The following CDK6 variants were observed in gnomAD, a reference collection of about 807,000 sequenced individuals.
CDK6 encodes cyclin dependent kinase 6.
Under a neutral mutation model 37.1 loss-of-function variants are expected in CDK6, and 6 were observed. That is an observed-to-expected ratio of 0.16 (90% CI 0.09 to 0.32). CDK6 has a LOEUF of 0.32. Among genes scored for constraint, CDK6 ranks in the 10% least tolerant of loss-of-function variants. The pLI is 1.00. For missense variants in CDK6, 224 were observed against 418.9 expected, an observed-to-expected ratio of 0.53 and a Z score of 4.06; for synonymous variants, 160 against 161.3, an observed-to-expected ratio of 0.99 and a Z score of 0.06.
chr7:92,792,517 G>T (rs2115862147), intron 2 of CDK6, among the ~76,000 whole-genome samples: 1 of 151,984 alleles, frequency 6.6e-6, no homozygotes, highest in East Asian at 1.9e-4. Context: ...TATATTTTTT[G>T]AAAGTTCTTG....
intron 3 of CDK6, among the ~76,000 whole-genome samples, chr7:92,735,321 A>C (rs1390560056): frequency 1.3e-5 from 2 of 152,026 alleles, no homozygotes; most frequent in Non-Finnish European, 2.9e-5. Flanking sequence ...GTTTGTTATA[A>C]AGGTATATTT....
chr7:92,827,650 T>C (rs1239800351), intron 2 of CDK6, among the ~76,000 whole-genome samples: 2 of 152,176 alleles, frequency 1.3e-5, no homozygotes, highest in South Asian at 4.1e-4. Flanking sequence ...GTGACCTTCA[T>C]GTAAGTATGC....
chr7:92,646,450 T>G (rs540253124), intron 5 of CDK6, among the ~76,000 whole-genome samples: 18 of 150,794 alleles, frequency 1.2e-4, no homozygotes, highest in Non-Finnish European at 2.4e-4. Flanking sequence ...CAGGCCAGAG[T>G]GCAGTGGCGC....
intron 4 of CDK6, among the ~76,000 whole-genome samples, chr7:92,685,086 T>C (rs1797418561): frequency 6.6e-6 from 1 of 152,238 alleles, no homozygotes; most frequent in Non-Finnish European, 1.5e-5. Flanking sequence ...CTAAAATTCA[T>C]TTCATATCTC....
intron 3 of CDK6, among the ~76,000 whole-genome samples, chr7:92,757,010 T>C (rs143661162): frequency 6.6e-6 from 1 of 152,146 alleles, no homozygotes. Flanking sequence ...GAAGAAGTCA[T>C]GGAATTGGAA....
intron 4 of CDK6, among the ~76,000 whole-genome samples, chr7:92,700,239 G>A (rs1234652937): frequency 6.6e-6 from 1 of 152,130 alleles, no homozygotes; most frequent in East Asian, 1.9e-4. Context: ...AGAAGGGGAG[G>A]TACTAAAGGG....
Position 92,826,376 on chromosome 7 carries a change from T to C in CDK6, c.233+6715A>G, listed in dbSNP as rs534582634. Among the ~76,000 whole-genome samples, 7 of 152,222 alleles carry C rather than the reference T, an allele frequency of 4.6e-5. No homozygotes were observed. The East Asian group carries it at 7.7e-4, about 17-fold the overall frequency. ...TACCAGGACTCAAAGGAAGCAGAAATGTTATCCAAATCGAGGTATTAAGGA... is the reference window on the plus strand; with the variant it reads ...TACCAGGACTCAAAGGAAGCAGAAACGTTATCCAAATCGAGGTATTAAGGA... On this transcript the variant is annotated intron_variant, in intron 2 of 7. Transcript: ENST00000424848.
intron 7 of CDK6, among the ~76,000 whole-genome samples, chr7:92,615,618 C>T (rs1795659600): frequency 6.6e-6 from 1 of 152,204 alleles, no homozygotes; most frequent in South Asian, 2.1e-4. Context: ...TTCACCGTAA[C>T]TTATTATCCT....
chr7:92,774,913 G>A (rs2115787531), intron 2 of CDK6, 82 bp from the exon 3 acceptor site: 3 of 1,357,934 alleles, frequency 2.2e-6, no homozygotes, highest in South Asian at 1.4e-5. Flanking sequence ...CGCTCAATTT[G>A]GTCTCATAAT....
chr7:92,684,504 G>A (rs945374623), intron 4 of CDK6, among the ~76,000 whole-genome samples: 2 of 152,074 alleles, frequency 1.3e-5, no homozygotes, highest in Non-Finnish European at 2.9e-5. Flanking sequence ...TACCCACAAT[G>A]TTCTGCACAG....
intron 5 of CDK6, among the ~76,000 whole-genome samples, chr7:92,648,958 G>A (rs976547913): frequency 1.3e-5 from 2 of 151,862 alleles, no homozygotes; most frequent in African/African-American, 4.8e-5. Context: ...AAATAATAAT[G>A]GTAAAATATG....
chr7:92,767,130 G>A (rs966244150), intron 3 of CDK6, among the ~76,000 whole-genome samples: 11 of 152,010 alleles, frequency 7.2e-5, no homozygotes, highest in Admixed American at 3.3e-4. Context: ...GCTTTTTATA[G>A]GATTGGAGAT....
At chr7:92,822,570 A>C (rs1271887786) in intron 2 of CDK6, among the ~76,000 whole-genome samples, 1 of 152,118 alleles carries the variant, frequency 6.6e-6, no homozygotes, top group Non-Finnish European at 1.5e-5. Flanking sequence ...ACTGTTCTGG[A>C]TGCTGGAGAT....
At chr7:92,648,534 T>C (rs1193749439) in intron 5 of CDK6, among the ~76,000 whole-genome samples, 1 of 152,212 alleles carries the variant, frequency 6.6e-6, no homozygotes, top group Admixed American at 6.5e-5. Flanking sequence ...TTTATGTCAA[T>C]AGAAAGGAAT....
intron 3 of CDK6, among the ~76,000 whole-genome samples, chr7:92,744,594 G>A (rs1799011479): frequency 6.6e-6 from 1 of 152,114 alleles, no homozygotes; most frequent in African/African-American, 2.4e-5. Flanking sequence ...ATTTACATCA[G>A]TTTACTCATT....
Position 92,764,574 on chromosome 7 carries a change from G to A in CDK6, c.369+10122C>T, listed in dbSNP as rs73232045. On this transcript the variant is annotated intron_variant, in intron 3 of 7. Transcript: ENST00000424848. Reference sequence around the variant, plus strand: ...ACCTCTCCTCCTCACTTGATTTACCGTAAGAATCAATCTTTCAGGACAATT... The same window carrying A: ...ACCTCTCCTCCTCACTTGATTTACCATAAGAATCAATCTTTCAGGACAATT... Among the ~76,000 whole-genome samples the A allele has an allele frequency of 5.7e-3, 869 of 152,204 alleles. 2 individuals carry two copies. The highest frequency in any genetic ancestry group is 9.0e-3 in the Non-Finnish European group (613 of 68,016).
At position 92,833,045 on chromosome 7, in the gene CDK6, G is replaced by C. The variant is rs1481633589; in HGVS notation, c.233+46C>G. 2.2e-6 allele frequency: 3 copies of C among 1,380,316 alleles called. No homozygotes were observed. Among genetic ancestry groups the C allele is most frequent in the Non-Finnish European group, 3.0e-6 (3 of 1,015,140 alleles). The allele number at this position is 1,380,316 out of a possible 1,614,324, so 85.5% of individuals were successfully genotyped here. A position where few individuals can be genotyped will look rare whatever the true frequency, so the allele number is the denominator to read the frequency against. ...GAGGATTCCCGGCTCGGCCCTCCCCGCGCGCGCGAGGCCCCAGATGGCGAG... is the reference window on the plus strand; with the variant it reads ...GAGGATTCCCGGCTCGGCCCTCCCCCCGCGCGCGAGGCCCCAGATGGCGAG... On this transcript the variant is annotated intron_variant, in intron 2 of 7. Coordinates refer to ENST00000424848, the MANE Select transcript of CDK6 (RefSeq NM_001145306.2). The surrounding 1 kb of genome is among the most constrained non-coding windows in gnomAD (Gnocchi z 6.1).
intron 2 of CDK6, among the ~76,000 whole-genome samples, chr7:92,832,563 A>C (rs1801517340): frequency 6.6e-6 from 1 of 152,166 alleles, no homozygotes; most frequent in South Asian, 2.1e-4. Context: ...AGAGAAACTG[A>C]GAGTATGACT....
At chr7:92,768,279 T>G (rs1799632215) in intron 3 of CDK6, among the ~76,000 whole-genome samples, 3 of 152,178 alleles carry the variant, frequency 2.0e-5, no homozygotes, top group Admixed American at 6.6e-5. Context: ...GTTCGCAAGT[T>G]AAAAGCCTTG....
Sources: allele counts gnomAD v4.1 joint callset (sites outside exome capture counted in the v4.1 genomes callset), GRCh38; gene constraint gnomAD v4.1.1; non-coding constraint Gnocchi (gnomAD v3.1); transcripts MANE v1.5; gene names NCBI Gene and HGNC (gene_info 2026-07-23, HGNC 2026-07-21).